Variants in SENP5 observed in about 807,000 individuals in gnomAD.
SENP5 encodes the protein SUMO specific peptidase 5, also known as sentrin-specific protease 5.
In SENP5, 21 loss-of-function variants were observed where a neutral mutation model predicts 74.2. The ratio of observed to expected loss-of-function variants is 0.28; its 90% CI spans 0.20 to 0.41. The LOEUF is 0.41. Among genes scored for constraint, SENP5 ranks in the 10% least tolerant of loss-of-function variants. The probability of loss-of-function intolerance (pLI) is 1.00; values close to 1 mark genes in which losing one functional copy is unlikely to be tolerated. For synonymous variants in SENP5, 311 were observed against 312.7 expected (o/e 0.99, Z 0.06); for missense variants, 717 against 889.1 (o/e 0.81, Z 2.46).
intron 6 of SENP5, among the ~76,000 whole-genome samples, chr3:196,919,622 C>T (rs149301342): frequency 0.013 from 1,930 of 152,164 alleles, 24 homozygotes; most frequent in Non-Finnish European, 0.021. Context: ...GGAGAAACCC[C>T]GTGTCTACTA....
At chr3:196,887,318 T>G (rs1347000640) in intron 2 of SENP5, among the ~76,000 whole-genome samples, 1 of 152,080 alleles carries the variant, frequency 6.6e-6, no homozygotes, top group Non-Finnish European at 1.5e-5. Context: ...TAGTTGGGAT[T>G]ACAGGCACCC....
chr3:196,901,761 T>C (rs1714707855), intron 5 of SENP5, among the ~76,000 whole-genome samples: 1 of 152,234 alleles, frequency 6.6e-6, no homozygotes, highest in Non-Finnish European at 1.5e-5. Flanking sequence ...CATCAGAAAG[T>C]TTAAACAATA....
intron 7 of SENP5, among the ~76,000 whole-genome samples, chr3:196,927,205 G>A (rs1045580061): frequency 3.3e-5 from 5 of 152,106 alleles, no homozygotes; most frequent in Admixed American, 2.6e-4. Context: ...ATCTAAGGCT[G>A]GAATATTTTT....
intron 7 of SENP5, among the ~76,000 whole-genome samples, chr3:196,925,289 C>T (rs1393929984): frequency 1.3e-5 from 2 of 151,912 alleles, no homozygotes; most frequent in Non-Finnish European, 2.9e-5. Context: ...ATTTTCATTT[C>T]CAAGAAATCC....
At chr3:196,876,901 C>G (rs1013818209) in intron 1 of SENP5, among the ~76,000 whole-genome samples, 1 of 152,068 alleles carries the variant, frequency 6.6e-6, no homozygotes, top group East Asian at 1.9e-4. Context: ...GACAAAATTA[C>G]ATTTTGATTT....
At chr3:196,929,721 GA>G (rs1482205375) in intron 9 of SENP5, 38 bp downstream of exon 9, 2 of 1,436,430 alleles carry the variant, frequency 1.4e-6, no homozygotes, top group East Asian at 4.5e-5. Flanking sequence ...TACAATGTGT[GA>G]ATTGAGTCTG....
At position 196,899,902 on chromosome 3, in the gene SENP5, T is replaced by G. The variant is rs77433090; in HGVS notation, c.1620-22T>G. On this transcript the variant is annotated intron_variant, in intron 3 of 9. Coordinates refer to ENST00000323460, the MANE Select transcript of SENP5 (RefSeq NM_152699.5). ...GTACTCATGTTTTTTTTACCTTTTG[T>G]TTCAAAATCTTTCTCTTTCAGAAAA... 2,048 of 1,609,846 alleles carry G rather than the reference T, an allele frequency of 1.3e-3. 30 individuals are homozygous for G. In the East Asian group the frequency reaches 0.033, roughly 26 times the overall value.
chr3:196,895,848 C>G (rs1021503952), intron 2 of SENP5, among the ~76,000 whole-genome samples: 1 of 152,094 alleles, frequency 6.6e-6, no homozygotes, highest in African/African-American at 2.4e-5. Flanking sequence ...AAAATGACAC[C>G]TCAGGTTTTG....
At chr3:196,878,835 G>A (rs572153580) in intron 1 of SENP5, among the ~76,000 whole-genome samples, 174 of 152,184 alleles carry the variant, frequency 1.1e-3, no homozygotes, top group African/African-American at 3.8e-3. Flanking sequence ...CAAATGATCC[G>A]CTTGCCTCGG....
intron 7 of SENP5, among the ~76,000 whole-genome samples, chr3:196,926,013 C>T (rs1715798165): frequency 6.6e-6 from 1 of 152,092 alleles, no homozygotes; most frequent in African/African-American, 2.4e-5. Context: ...AAAGAATTGA[C>T]AAAAAGTGTT....
chr3:196,900,071 A>G lies in SENP5; in HGVS notation c.1758+9A>G. The G allele has an allele frequency of 1.2e-6, 2 of 1,603,980 alleles. No individual in the cohort carries two copies. Among genetic ancestry groups the G allele is most frequent in the Non-Finnish European group, 1.7e-6 (2 of 1,176,300 alleles). ...ACTGGCTGAATGACCAGGTTAGTAT[A>G]TTGTAGTTTTTCAGTGTGGAGAAGT... On this transcript the variant is annotated intron_variant, in intron 4 of 9. Transcript: ENST00000323460.
intron 8 of SENP5, among the ~76,000 whole-genome samples, chr3:196,929,015 C>A (rs2108868435): frequency 6.6e-6 from 1 of 152,234 alleles, no homozygotes; most frequent in Non-Finnish European, 1.5e-5. Context: ...CATGGTGAGA[C>A]CTCATCTCTA....
intron 1 of SENP5, among the ~76,000 whole-genome samples, chr3:196,878,653 A>G (rs1286029140): frequency 1.3e-5 from 2 of 152,106 alleles, no homozygotes; most frequent in African/African-American, 4.8e-5. Context: ...GTACGGTGGC[A>G]TGATCTCCGC....
At chr3:196,883,031 C>A (rs1005391956) in intron 1 of SENP5, among the ~76,000 whole-genome samples, 1 of 151,532 alleles carries the variant, frequency 6.6e-6, no homozygotes, top group Non-Finnish European at 1.5e-5. Flanking sequence ...AGATGAGTGG[C>A]AAAGTGTGTT....
At chr3:196,915,195 A>G (rs1715321797) in intron 6 of SENP5, among the ~76,000 whole-genome samples, 1 of 152,222 alleles carries the variant, frequency 6.6e-6, no homozygotes. Flanking sequence ...ACGTCCTGGC[A>G]CTGTGCTGGG....
At chr3:196,872,016 C>T (rs4916447) in intron 1 of SENP5, among the ~76,000 whole-genome samples, 1 of 152,204 alleles carries the variant, frequency 6.6e-6, no homozygotes, top group Non-Finnish European at 1.5e-5. Context: ...TCCCAAAGTG[C>T]TGGGATTACA....
chr3:196,887,852 T>G (rs1004231232), intron 2 of SENP5, among the ~76,000 whole-genome samples: 1 of 152,092 alleles, frequency 6.6e-6, no homozygotes, highest in East Asian at 1.9e-4. Context: ...CACTGCAACC[T>G]CTGCTTCCCG....
chr3:196,903,636 C>G (rs377089379), intron 6 of SENP5, 26 bp downstream of exon 6: 17 of 1,467,892 alleles, frequency 1.2e-5, no homozygotes, highest in African/African-American at 4.2e-5. Flanking sequence ...CTTTTTTATT[C>G]CAAATTTGAA....
intron 2 of SENP5, among the ~76,000 whole-genome samples, chr3:196,888,792 G>A (rs1277587590): frequency 6.6e-6 from 1 of 151,960 alleles, no homozygotes; most frequent in Non-Finnish European, 1.5e-5. Flanking sequence ...AAACAGTTCT[G>A]AGCACTTTCT....
Sources: allele counts gnomAD v4.1 joint callset (sites outside exome capture counted in the v4.1 genomes callset), GRCh38; gene constraint gnomAD v4.1.1; transcripts MANE v1.5; gene names NCBI Gene and HGNC (gene_info 2026-07-23, HGNC 2026-07-21).